Variants in RUNDC3B observed in about 807,000 individuals in gnomAD.
The protein encoded by RUNDC3B is RUN domain containing 3B, also known as RUN domain-containing protein 3B.
Under a neutral mutation model 58.4 loss-of-function variants are expected in RUNDC3B, and 33 were observed. The observed-to-expected ratio is 0.56, with a 90% CI of 0.43 to 0.75. The LOEUF (loss-of-function observed/expected upper bound fraction) is 0.75, where lower values mean the gene tolerates loss of function less well. Among genes scored for constraint, RUNDC3B ranks in the 30% least tolerant of loss-of-function variants. The pLI, the probability that RUNDC3B is intolerant of heterozygous loss-of-function variation, is 0.00. For missense variants in RUNDC3B, 501 were observed against 535.7 expected, an observed-to-expected ratio of 0.94 and a Z score of 0.64; for synonymous variants, 193 against 195.2, an observed-to-expected ratio of 0.99 and a Z score of 0.10.
chr7:87,665,773 C>G (rs1158588490), intron 2 of RUNDC3B, among the ~76,000 whole-genome samples: 1 of 152,060 alleles, frequency 6.6e-6, no homozygotes, highest in Non-Finnish European at 1.5e-5. Flanking sequence ...CTCCCACTTA[C>G]AAGTGATAAC....
chr7:87,730,126 C>T (rs773838643), intron 4 of RUNDC3B, among the ~76,000 whole-genome samples: 1 of 152,170 alleles, frequency 6.6e-6, no homozygotes, highest in Non-Finnish European at 1.5e-5. Flanking sequence ...CAGGGCCATG[C>T]TGGCTTCAGG....
intron 6 of RUNDC3B, among the ~76,000 whole-genome samples, chr7:87,742,883 G>A (rs1030933126): frequency 6.6e-6 from 1 of 152,072 alleles, no homozygotes; most frequent in African/African-American, 2.4e-5. Flanking sequence ...GGAGGCCGAG[G>A]TGGGCGGATC....
At chr7:87,663,595 C>T (rs1824931813) in intron 2 of RUNDC3B, among the ~76,000 whole-genome samples, 1 of 152,072 alleles carries the variant, frequency 6.6e-6, no homozygotes, top group South Asian at 2.1e-4. Flanking sequence ...ATACTGTATA[C>T]TTTTCCACAT....
At chr7:87,769,507 G>C (rs1003406043) in intron 6 of RUNDC3B, among the ~76,000 whole-genome samples, 3 of 151,590 alleles carry the variant, frequency 2.0e-5, no homozygotes, top group Non-Finnish European at 4.4e-5. Flanking sequence ...ACAGATTGTG[G>C]TTTCTTTGAA....
At chr7:87,663,356 G>T (rs753291187) in intron 2 of RUNDC3B, among the ~76,000 whole-genome samples, 3 of 151,880 alleles carry the variant, frequency 2.0e-5, no homozygotes, top group Non-Finnish European at 4.4e-5. Flanking sequence ...CCATCTCGTT[G>T]TCCAGTTCAG....
Position 87,829,984 on chromosome 7 carries a change from C to T in RUNDC3B, c.1325C>T (p.Ala442Val), listed in dbSNP as rs752703773. ...AGCTTAAAATCTAATGACTACCTTG[C>T]AAGTCCTACAACAGAGATGACAAGT... ...LTSLKSNDYL[A>V]SPTTEMTSPG... Residue 442 changes from alanine to valine, a missense_variant, in exon 11 of 11, where the codon GCA becomes GTA. By Grantham distance (64) the Ala-to-Val change is moderately conservative. Transcript: ENST00000394654. 1.2e-6 allele frequency: 2 copies of T among 1,609,930 alleles called. No homozygotes were observed. Among genetic ancestry groups the T allele is most frequent in the African/African-American group, 1.3e-5 (1 of 74,688 alleles).
chr7:87,830,498 A>G lies in RUNDC3B; in HGVS notation c.*468A>G, dbSNP rs1193554447. On this transcript the variant is annotated 3_prime_UTR_variant, in exon 11 of 11. Transcript: ENST00000394654. ...TTTCATTAATGTCTTCCTAAGTTCT[A>G]TGCTTTAAATGCCTTGTTTTTAATA... 3 of 150,354 alleles carry G rather than the reference A, an allele frequency of 2.0e-5. No homozygotes were observed. The highest frequency in any genetic ancestry group is 4.9e-5 in the African/African-American group (2 of 40,958). 9.3% of individuals were successfully genotyped at this position (150,354 alleles called of 1,614,324 possible).
At chr7:87,760,496 A>G (rs1338673541) in intron 6 of RUNDC3B, among the ~76,000 whole-genome samples, 1 of 152,056 alleles carries the variant, frequency 6.6e-6, no homozygotes, top group Non-Finnish European at 1.5e-5. Context: ...CAAAATTTGT[A>G]TGGAATTGCA....
intron 8 of RUNDC3B, among the ~76,000 whole-genome samples, chr7:87,778,325 C>A (rs918095195): frequency 9.2e-5 from 14 of 151,746 alleles, no homozygotes; most frequent in African/African-American, 2.9e-4. Context: ...TGTCTATAGT[C>A]CCAGCTACTC....
At chr7:87,719,433 A>G (rs1830738179) in intron 4 of RUNDC3B, among the ~76,000 whole-genome samples, 1 of 151,758 alleles carries the variant, frequency 6.6e-6, no homozygotes, top group Non-Finnish European at 1.5e-5. Context: ...TATAAAAAAT[A>G]TACAAAAGAA....
At chr7:87,771,218 C>T (rs1013833361) in intron 7 of RUNDC3B, among the ~76,000 whole-genome samples, 1 of 151,786 alleles carries the variant, frequency 6.6e-6, no homozygotes, top group South Asian at 2.1e-4. Flanking sequence ...ACTGTATTTT[C>T]TATTTTTCTC....
At chr7:87,765,970 G>A (rs1833955495) in intron 6 of RUNDC3B, among the ~76,000 whole-genome samples, 1 of 152,004 alleles carries the variant, frequency 6.6e-6, no homozygotes, top group East Asian at 1.9e-4. Context: ...GAATCTGGGT[G>A]CTCCAGTGTT....
chr7:87,649,510 C>T (rs1237011377), intron 1 of RUNDC3B, among the ~76,000 whole-genome samples: 1 of 152,102 alleles, frequency 6.6e-6, no homozygotes, highest in East Asian at 1.9e-4. Flanking sequence ...TTTGTTTGTG[C>T]TAGGAATATG....
At chr7:87,712,855 A>G (rs1830211890) in intron 4 of RUNDC3B, among the ~76,000 whole-genome samples, 1 of 152,150 alleles carries the variant, frequency 6.6e-6, no homozygotes, top group Non-Finnish European at 1.5e-5. Flanking sequence ...ACATACATAT[A>G]ATATTTACAC....
At chr7:87,819,644 A>T (rs1377439753) in intron 10 of RUNDC3B, among the ~76,000 whole-genome samples, 8 of 151,388 alleles carry the variant, frequency 5.3e-5, no homozygotes, top group Admixed American at 1.3e-4. Flanking sequence ...GAAGTAAAGC[A>T]CTCCTCAGCA....
chr7:87,700,720 G>A, intron 3 of RUNDC3B, 166 bp downstream of exon 3: 1 of 617,550 alleles, frequency 1.6e-6, no homozygotes, highest in South Asian at 2.6e-5. Flanking sequence ...ATCTAAACTA[G>A]TGGCTCTCAA....
intron 4 of RUNDC3B, among the ~76,000 whole-genome samples, chr7:87,727,795 C>G (rs1379743732): frequency 6.6e-6 from 1 of 152,060 alleles, no homozygotes; most frequent in Non-Finnish European, 1.5e-5. Flanking sequence ...ATGAGTATGA[C>G]ACATGAGCTC....
intron 2 of RUNDC3B, among the ~76,000 whole-genome samples, chr7:87,693,192 A>G (rs1828172885): frequency 6.6e-6 from 1 of 152,204 alleles, no homozygotes; most frequent in African/African-American, 2.4e-5. Context: ...AAAATATAGC[A>G]GAAATTTCTA....
intron 2 of RUNDC3B, among the ~76,000 whole-genome samples, chr7:87,679,440 G>A (rs998526749): frequency 1.3e-5 from 2 of 149,682 alleles, no homozygotes; most frequent in African/African-American, 5.0e-5. Context: ...CCAGGTTGGA[G>A]TGCAATGGCA....
Sources: allele counts gnomAD v4.1 joint callset (sites outside exome capture counted in the v4.1 genomes callset), GRCh38; gene constraint gnomAD v4.1.1; transcripts MANE v1.5; gene names NCBI Gene and HGNC (gene_info 2026-07-23, HGNC 2026-07-21).